The following ABITRAM variants were observed in gnomAD, a reference collection of about 807,000 sequenced individuals.
ABITRAM encodes the protein protein Abitram.
In ABITRAM, 19 loss-of-function variants were observed where a neutral mutation model predicts 22.9. The ratio of observed to expected loss-of-function variants is 0.83; its 90% CI spans 0.58 to 1.22. The LOEUF (loss-of-function observed/expected upper bound fraction) is 1.22. ABITRAM is among the 50% of genes most tolerant of loss of function. The pLI is 0.00. For missense variants in ABITRAM, 215 were observed against 220.2 expected (o/e 0.98, Z 0.15); for synonymous variants, 70 against 73.9 (o/e 0.95, Z 0.27).
At chr9:108,936,487 G>A (rs1356882881) in intron 3 of ABITRAM, 50 bp downstream of exon 3, 3 of 1,574,802 alleles carry the variant, frequency 1.9e-6, no homozygotes, top group African/African-American at 1.4e-5. Flanking sequence ...CTATATTCAT[G>A]GTAATGACAG....
downstream of ABITRAM, chr9:108,942,906 T>C: frequency 6.2e-7 from 1 of 1,609,406 alleles, no homozygotes; most frequent in Non-Finnish European, 8.5e-7. Context: ...GTAGTAACTA[T>C]TTTCTTTTAA....
Position 108,935,687 on chromosome 9 carries a change from C to T in ABITRAM, c.129C>T (p.Asn43=), listed in dbSNP as rs376195051. The T allele has an allele frequency of 1.3e-5, 21 of 1,612,100 alleles. No homozygotes were observed. The highest frequency in any genetic ancestry group is 1.2e-4 in the Admixed American group (7 of 59,888). Residue 43 remains asparagine (N), a splice_region_variant and synonymous_variant, in exon 2 of 6, where the codon AAC becomes AAT. Coordinates refer to ENST00000322940, the MANE Select transcript of ABITRAM (RefSeq NM_017832.4). ...ACCACTGTATACTACAGCACTCTAACCGGTAAGCAAATTGGGAATTTTAAA... is the reference window on the plus strand; with the variant it reads ...ACCACTGTATACTACAGCACTCTAATCGGTAAGCAAATTGGGAATTTTAAA... ...CEDHCILQHS[N]RICVITLAES... is the part of the protein sequence containing the mutation.
At chr9:108,938,696 G>GC (rs532244463) in intron 3 of ABITRAM, among the ~76,000 whole-genome samples, 2 of 141,696 alleles carry the variant, frequency 1.4e-5, no homozygotes, top group African/African-American at 5.1e-5. Flanking sequence ...ACAAAGGGGG[G>GC]GGGGGGAAAG....
chr9:108,934,412 A>G lies in ABITRAM; in HGVS notation c.-75A>G. ...CACGACACGCGCTGTGCGCCGGAAGAGCACGCCCAGTCCGGGCTGCGCGGA... is the reference window on the plus strand; with the variant it reads ...CACGACACGCGCTGTGCGCCGGAAGGGCACGCCCAGTCCGGGCTGCGCGGA... On this transcript the variant is annotated 5_prime_UTR_variant, in exon 1 of 6. Transcript: ENST00000322940. 7.7e-7 allele frequency: 1 copy of G among 1,294,082 alleles called. No homozygotes were observed. The highest frequency in any genetic ancestry group is 1.4e-5 in the South Asian group (1 of 70,700). The allele number at this position is 1,294,082 out of a possible 1,614,324, so 80.2% of individuals were successfully genotyped here. A position where few individuals can be genotyped will look rare whatever the true frequency, so the allele number is the denominator to read the frequency against.
At chr9:108,942,683 A>C, downstream of ABITRAM, 7 of 937,134 alleles carry the variant, frequency 7.5e-6, no homozygotes, top group Non-Finnish European at 1.2e-5. Flanking sequence ...AAATTGATGA[A>C]TTTCTGAAAA....
downstream of ABITRAM, chr9:108,943,983 A>C (rs751557242): frequency 1.2e-6 from 2 of 1,613,778 alleles, no homozygotes; most frequent in African/African-American, 2.7e-5. Flanking sequence ...AAGCTTGAAC[A>C]CTGGAAGTAA....
chr9:108,936,046 T>G, intron 2 of ABITRAM: 1 of 505,756 alleles, frequency 2.0e-6, no homozygotes, highest in South Asian at 2.6e-5. Context: ...ATGCCTTATT[T>G]CTTTGTCTTC....
chr9:108,943,976 C>G (rs375950356), downstream of ABITRAM: 1 of 1,613,628 alleles, frequency 6.2e-7, no homozygotes, highest in Non-Finnish European at 8.5e-7. Context: ...TTTGAAAAAG[C>G]TTGAACACTG....
intron 3 of ABITRAM, among the ~76,000 whole-genome samples, chr9:108,946,393 T>G (rs1016575351): frequency 4.0e-4 from 60 of 151,234 alleles, no homozygotes; most frequent in Non-Finnish European, 5.6e-4. Flanking sequence ...AATAATTGCC[T>G]CCTTACTCTT....
In ABITRAM at chr9:108,938,693, G is replaced by C. The variant is rs564527800; in HGVS notation, c.262-503G>C. Among the ~76,000 whole-genome samples the C allele has an allele frequency of 5.0e-4, 66 of 131,498 alleles. 2 individuals are homozygous for C. In the South Asian group the frequency reaches 8.6e-3, roughly 17 times the overall value. The allele number at this position is 131,498 out of a possible 152,430, so 86.3% of individuals were successfully genotyped here. The stretch of plus-strand genomic sequence containing the variant: ...CTAACACACTGGGGAATTACAAAGG[G>C]GGGGGGGGGAAAGAACAATATCCCT... On this transcript the variant is annotated intron_variant, in intron 3 of 5. Coordinates refer to ENST00000322940, the MANE Select transcript of ABITRAM (RefSeq NM_017832.4).
Position 108,934,467 on chromosome 9 carries a change from T to C in ABITRAM, c.-20T>C, listed in dbSNP as rs780327680. ...GCGCTGGGGTCCCGGAGGGCGGGGG[T>C]GGCGGCGCCGGAGGTCGCCATGGCT... On this transcript the variant is annotated 5_prime_UTR_variant, in exon 1 of 6. Transcript: ENST00000322940. 12 of 1,571,382 alleles carry C rather than the reference T, an allele frequency of 7.6e-6. No homozygotes were observed. In the South Asian group the frequency reaches 1.3e-4, roughly 17 times the overall value.
At chr9:108,934,689 G>T in intron 1 of ABITRAM, 124 bp downstream of exon 1, 1 of 899,170 alleles carries the variant, frequency 1.1e-6, no homozygotes, top group Admixed American at 2.8e-5. Context: ...AGAAGGCACT[G>T]GACTTCTGTG....
intron 1 of ABITRAM, among the ~76,000 whole-genome samples, chr9:108,934,805 T>G (rs1004193265): frequency 6.6e-6 from 1 of 152,144 alleles, no homozygotes; most frequent in Non-Finnish European, 1.5e-5. Flanking sequence ...AGGGTGTTGC[T>G]CGCAGTAAGA....
In ABITRAM at chr9:108,947,180, C is replaced by T. The variant is rs372178536; in HGVS notation, c.262-3327C>T. 1.8e-3 allele frequency among the ~76,000 whole-genome samples: 269 copies of T among 146,106 alleles called. 1 individual carries two copies. The highest frequency in any genetic ancestry group is 6.5e-3 in the African/African-American group (257 of 39,592). ...CCAGACTGGAGTGCAGTGGCGTGAT[C>T]TCAGCTCACTGCAAGCTCCGCCTCC... On this transcript the variant is annotated intron_variant, in intron 3 of 3. Transcript: ENST00000374624.
downstream of ABITRAM, chr9:108,942,985 T>G: frequency 1.2e-6 from 2 of 1,612,940 alleles, no homozygotes; most frequent in Middle Eastern, 3.3e-4. Flanking sequence ...TATAACAAAG[T>G]GAAAGAAGTT....
rs947554178 is a variant in ABITRAM at position 108,940,879 on chromosome 9, G to A, written c.*1193G>A. 11 of 151,994 alleles carry A rather than the reference G, an allele frequency of 7.2e-5. No homozygotes were observed. The highest frequency in any genetic ancestry group is 2.1e-4 in the South Asian group (1 of 4,832). The allele number at this position is 151,994 out of a possible 1,614,324, so 9.4% of individuals were successfully genotyped here. A position where few individuals can be genotyped will look rare whatever the true frequency, so the allele number is the denominator to read the frequency against. On this transcript the variant is annotated 3_prime_UTR_variant, in exon 6 of 6. Coordinates refer to ENST00000322940, the MANE Select transcript of ABITRAM (RefSeq NM_017832.4). ...ATTTCAAATAAAAGGACTATAAAAC[G>A]TGTTATTTTTCTGTAAGGGCTATAA...
intron 3 of ABITRAM, chr9:108,948,112 T>A (rs975168436): frequency 1.3e-6 from 2 of 1,493,140 alleles, no homozygotes. Context: ...ATATAATAAA[T>A]CATCTGGAAA....
At chr9:108,943,356 T>A (rs1830303130), downstream of ABITRAM, among the ~76,000 whole-genome samples, 1 of 152,142 alleles carries the variant, frequency 6.6e-6, no homozygotes, top group African/African-American at 2.4e-5. Context: ...TCCTTTGCAA[T>A]TCCTTGCACT....
chr9:108,942,371 A>T (rs1355576314), downstream of ABITRAM, among the ~76,000 whole-genome samples: 1 of 152,228 alleles, frequency 6.6e-6, no homozygotes, highest in African/African-American at 2.4e-5. Context: ...CCCTGCATTC[A>T]CCCAGACTAC....
Sources: gnomAD v4.1 joint callset for allele counts (sites outside exome capture counted in the v4.1 genomes callset) on GRCh38, gnomAD v4.1.1 for gene constraint, MANE v1.5 for transcripts, NCBI Gene and HGNC (gene_info 2026-07-23, HGNC 2026-07-21) for gene names.